RDH16: variants seen among roughly 807,000 people sequenced by gnomAD.
RDH16 encodes the protein human epidermal retinol dehydrogenase.
In RDH16, 25 loss-of-function variants were observed where a neutral mutation model predicts 22.3. The observed-to-expected ratio is 1.12, with a 90% CI of 0.82 to 1.56. The LOEUF is 1.56. Ranked by LOEUF, RDH16 falls within the 40% of genes most tolerant of loss-of-function variation. RDH16 has a pLI of 0.00. For synonymous variants in RDH16, 154 were observed against 164.4 expected, an observed-to-expected ratio of 0.94 and a Z score of 0.48; for missense variants, 413 against 394.9, an observed-to-expected ratio of 1.05 and a Z score of -0.39.
chr12:56,957,269 C>T lies in RDH16; in HGVS notation c.194G>A (p.Gly65Glu), dbSNP rs199635027. The T allele has an allele frequency of 5.6e-5, 90 of 1,614,072 alleles. No individual in the cohort carries two copies. The highest frequency in any genetic ancestry group is 7.4e-5 in the Non-Finnish European group (87 of 1,180,036). The change falls in exon 1 of 4, where the codon GGA becomes GAA. Residue 65 changes from glycine to glutamate, a missense_variant. Physicochemically the swap from Gly to Glu is moderately conservative, Grantham distance 98. Transcript: ENST00000398138. ...RVLAACLTEK[G>E]AEQLRGQTSD... Reference sequence around the variant, plus strand: ...AGTCTGGCCCCTCAGCTGCTCGGCTCCTTTCTCCGTCAGACATGCAGCCAG... The same window carrying T: ...AGTCTGGCCCCTCAGCTGCTCGGCTTCTTTCTCCGTCAGACATGCAGCCAG...
chr12:56,951,888 T>C lies in RDH16; in HGVS notation c.*141A>G. Reference sequence around the variant, plus strand: ...GCAGAATTATCTCCCAGGAGAATCATGGCCAGGAGGTAATGAAGGAGGTGG... The same window carrying C: ...GCAGAATTATCTCCCAGGAGAATCACGGCCAGGAGGTAATGAAGGAGGTGG... On this transcript the variant is annotated 3_prime_UTR_variant, in exon 4 of 4. Transcript: ENST00000398138. The C allele has an allele frequency of 3.1e-6, 2 of 654,072 alleles. No homozygotes were observed. The highest frequency in any genetic ancestry group is 5.4e-6 in the Non-Finnish European group (2 of 373,814). The allele number at this position is 654,072 out of a possible 1,614,324, so 40.5% of individuals were successfully genotyped here. A position where few individuals can be genotyped will look rare whatever the true frequency, so the allele number is the denominator to read the frequency against.
rs954579151 is a variant in RDH16, at chr12:56,955,151, C to T, written c.327G>A (p.Leu109=). 1.2e-6 allele frequency: 2 copies of T among 1,614,068 alleles called. No individual in the cohort carries two copies. Among genetic ancestry groups the T allele is most frequent in the Middle Eastern group, 1.6e-4 (1 of 6,062 alleles). Residue 109 remains leucine (L), a synonymous_variant, in exon 2 of 4, where the codon CTG becomes CTA. Transcript: ENST00000398138. ...ECVRDKGLWG[L]VNNAGISLPT... ...GCAAGGAGATGCCAGCATTATTCAC[C>T]AGGCCCCAGAGTCCTGGGACAGTGG...
At chr12:56,956,804 C>T (rs894342727) in intron 1 of RDH16, among the ~76,000 whole-genome samples, 3 of 152,126 alleles carry the variant, frequency 2.0e-5, no homozygotes, top group Non-Finnish European at 4.4e-5. Flanking sequence ...CCCTGTGCTC[C>T]CTTCTCAACG....
At position 56,953,007 on chromosome 12, in the gene RDH16, C is replaced by T. The variant is rs767620413; in HGVS notation, c.573-17G>A. On this transcript the variant is annotated splice_polypyrimidine_tract_variant and intron_variant, in intron 2 of 3. Transcript: ENST00000398138. ...AGTTCCCTCCTGCAAGACAGAGAAG[C>T]AGAGGGGAAAAACTTCGGGGGTCTT... 2.5e-6 allele frequency: 4 copies of T among 1,589,588 alleles called. No individual in the cohort carries two copies. The Admixed American group carries it at 5.5e-5, about 22-fold the overall frequency.
chr12:56,953,135 G>C, intron 2 of RDH16, 145 bp from the exon 3 acceptor site: 1 of 778,466 alleles, frequency 1.3e-6, no homozygotes, highest in Non-Finnish European at 2.0e-6. Flanking sequence ...CAGCAATCAA[G>C]GGGTCATAAT....
At chr12:56,952,774 A>T (rs1435584927) in intron 3 of RDH16, 53 bp downstream of exon 3, 4 of 1,573,516 alleles carry the variant, frequency 2.5e-6, no homozygotes, top group Non-Finnish European at 3.4e-6. Flanking sequence ...ATGGTAGACC[A>T]AGGATTCCAC....
At chr12:56,953,715 C>T (rs1192353136) in intron 2 of RDH16, among the ~76,000 whole-genome samples, 4 of 152,156 alleles carry the variant, frequency 2.6e-5, no homozygotes, top group African/African-American at 9.7e-5. Context: ...GGAGCCTTTC[C>T]CAGTCTTCCT....
chr12:56,954,109 A>G (rs1955905779), intron 2 of RDH16, among the ~76,000 whole-genome samples: 1 of 152,200 alleles, frequency 6.6e-6, no homozygotes, highest in South Asian at 2.1e-4. Context: ...TCAGGGCTTG[A>G]AGCATTTCTC....
chr12:56,956,582 T>C (rs1592433066), intron 1 of RDH16, among the ~76,000 whole-genome samples: 1 of 152,140 alleles, frequency 6.6e-6, no homozygotes, highest in Non-Finnish European at 1.5e-5. Context: ...ATAAGACAGA[T>C]GAATTAGTGT....
Position 56,954,897 on chromosome 12 carries a change from G to A in RDH16, c.572+9C>T. The A allele has an allele frequency of 6.2e-7, 1 of 1,614,054 alleles. No homozygotes were observed. The highest frequency in any genetic ancestry group is 8.5e-7 in the Non-Finnish European group (1 of 1,179,962). The stretch of plus-strand genomic sequence containing the variant: ...GAAGACTAGGGTGGGCCCCATCCCA[G>A]ACCCATACCTGAGGGAGTCAGAGAA... On this transcript the variant is annotated intron_variant, in intron 2 of 3. Transcript: ENST00000398138.
intron 1 of RDH16, 105 bp from the exon 2 acceptor site, chr12:56,955,269 G>GT (rs1955918586): frequency 1.5e-6 from 2 of 1,360,154 alleles, no homozygotes; most frequent in Non-Finnish European, 2.0e-6. Context: ...AGACTGACAG[G>GT]TGTGGGATGG....
Position 56,954,998 on chromosome 12 carries a change from G to C in RDH16, c.480C>G (p.Val160=). ...CCCGGCCCATGACACTGGAGACGTT[G>C]ACCACACGGCCCCTGGCCCTCCTCA... ...PLVRRARGRV[V]NVSSVMGRVS... Residue 160 remains valine (V), a synonymous_variant, in exon 2 of 4, where the codon GTC becomes GTG. Coordinates refer to ENST00000398138, the MANE Select transcript of RDH16 (RefSeq NM_003708.5). The C allele has an allele frequency of 6.2e-7, 1 of 1,614,154 alleles. No homozygotes were observed. The highest frequency in any genetic ancestry group is 8.5e-7 in the Non-Finnish European group (1 of 1,180,038).
Position 56,951,982 on chromosome 12 carries a change from C to T in RDH16, c.*47G>A. 2 of 1,565,234 alleles carry T rather than the reference C, an allele frequency of 1.3e-6. No individual in the cohort carries two copies. The highest frequency in any genetic ancestry group is 1.8e-4 in the Middle Eastern group (1 of 5,696). On this transcript the variant is annotated 3_prime_UTR_variant, in exon 4 of 4. Coordinates refer to ENST00000398138, the MANE Select transcript of RDH16 (RefSeq NM_003708.5). ...TATCTCTCCCAAGGATACACCACCC[C>T]TCATAGCACACCCCAAATCCATGCA...
intron 2 of RDH16, 125 bp downstream of exon 2, chr12:56,954,781 A>G (rs1273428839): frequency 1.1e-5 from 11 of 1,018,198 alleles, no homozygotes; most frequent in Non-Finnish European, 1.6e-5. Flanking sequence ...GGTGTCACAC[A>G]TGAAGACAGA....
intron 1 of RDH16, 142 bp downstream of exon 1, chr12:56,957,008 C>T (rs1955934394): frequency 3.6e-6 from 3 of 825,866 alleles, no homozygotes; most frequent in African/African-American, 1.7e-5. Flanking sequence ...GTTCAGGCAG[C>T]CTGTTAAGTG....
intron 1 of RDH16, among the ~76,000 whole-genome samples, chr12:56,956,534 T>C (rs774889308): frequency 6.6e-6 from 1 of 152,224 alleles, no homozygotes; most frequent in Non-Finnish European, 1.5e-5. Context: ...TGATTTATTG[T>C]TACATAAAAT....
In RDH16 at chr12:56,957,245, G is replaced by C. The variant is rs61742012; in HGVS notation, c.218C>G (p.Thr73Ser). Residue 73 changes from threonine to serine, a missense_variant, in exon 1 of 4, where the codon ACT becomes AGT. By Grantham distance (58) the Thr-to-Ser change is moderately conservative (BLOSUM62 1). Coordinates refer to ENST00000398138, the MANE Select transcript of RDH16 (RefSeq NM_003708.5). ...EKGAEQLRGQ[T>S]SDRLETVTLD... ...GGTCACCGTCTCCAGCCTGTCTGAA[G>C]TCTGGCCCCTCAGCTGCTCGGCTCC... is the stretch of plus-strand genomic sequence containing the variant. The C allele has an allele frequency of 2.9e-3, 4,659 of 1,614,160 alleles. 121 individuals are homozygous for C. The African/African-American group carries it at 0.053, about 18-fold the overall frequency.
rs372719459 is a variant in RDH16, at chr12:56,957,364, G to A, written c.99C>T (p.Phe33=). The stretch of plus-strand genomic sequence containing the variant: ...CGAAGCCAGAGTCACAGCCCGTGAT[G>A]AACACATACTTATCTCTCAGGTGGC... ...VLSHLRDKYV[F]ITGCDSGFGK... is the part of the protein sequence containing the mutation. Residue 33 remains phenylalanine (F), a synonymous_variant, in exon 1 of 4, where the codon TTC becomes TTT. Coordinates refer to ENST00000398138, the MANE Select transcript of RDH16 (RefSeq NM_003708.5). The A allele has an allele frequency of 3.1e-6, 5 of 1,614,192 alleles. No individual in the cohort carries two copies. In the African/African-American group the frequency reaches 5.3e-5, roughly 17 times the overall value.
chr12:56,955,610 C>A (rs1955921366), intron 1 of RDH16, among the ~76,000 whole-genome samples: 1 of 151,898 alleles, frequency 6.6e-6, no homozygotes, highest in Non-Finnish European at 1.5e-5. Flanking sequence ...GAATAAGAGA[C>A]AAGAAAGAGG....
Sources: allele counts gnomAD v4.1 joint callset (sites outside exome capture counted in the v4.1 genomes callset), GRCh38; gene constraint gnomAD v4.1.1; transcripts MANE v1.5; gene names NCBI Gene and HGNC (gene_info 2026-07-23, HGNC 2026-07-21).